TTC17: variants seen among roughly 807,000 people sequenced by gnomAD.
The protein encoded by TTC17 is tetratricopeptide repeat protein 17.
TTC17 carries 58 observed loss-of-function variants against 143.8 expected under a neutral mutation model. The ratio of observed to expected loss-of-function variants is 0.40; its 90% CI spans 0.33 to 0.50. The LOEUF (loss-of-function observed/expected upper bound fraction) is 0.50, where lower values mean the gene tolerates loss of function less well. TTC17 is among the 20% of genes least tolerant of loss of function. The pLI is 0.49. For synonymous variants in TTC17, 501 were observed against 497.8 expected, an observed-to-expected ratio of 1.01 and a Z score of -0.09; for missense variants, 1,273 against 1,392.5, an observed-to-expected ratio of 0.91 and a Z score of 1.37.
intron 22 of TTC17, 26 bp downstream of exon 22, chr11:43,490,384 C>T: frequency 1.3e-6 from 2 of 1,583,066 alleles, no homozygotes; most frequent in Non-Finnish European, 1.7e-6. Flanking sequence ...AAGGTGGGAA[C>T]TTCTGCCCCT....
intron 21 of TTC17, among the ~76,000 whole-genome samples, chr11:43,465,108 G>C (rs1947945174): frequency 6.6e-6 from 1 of 152,212 alleles, no homozygotes; most frequent in South Asian, 2.1e-4. Context: ...AAGGGTAAGT[G>C]AACTTTGGTT....
At chr11:43,379,743 A>G (rs997807954) in intron 2 of TTC17, among the ~76,000 whole-genome samples, 12 of 152,194 alleles carry the variant, frequency 7.9e-5, no homozygotes, top group African/African-American at 2.9e-4. Flanking sequence ...GTAAAAACTA[A>G]TGTCTTCCTA....
At chr11:43,425,343 A>G (rs993167859) in intron 16 of TTC17, among the ~76,000 whole-genome samples, 6 of 152,126 alleles carry the variant, frequency 3.9e-5, no homozygotes, top group Non-Finnish European at 4.4e-5. Flanking sequence ...TTTTTTTTTA[A>G]TTATTCTAAT....
At chr11:43,487,556 C>T (rs1388632799) in intron 21 of TTC17, among the ~76,000 whole-genome samples, 1 of 152,222 alleles carries the variant, frequency 6.6e-6, no homozygotes, top group Non-Finnish European at 1.5e-5. Context: ...CAGCATTCCA[C>T]AGCAAGAGGC....
At chr11:43,473,394 CAGAA>C (rs1715626642) in intron 21 of TTC17, among the ~76,000 whole-genome samples, 1 of 152,070 alleles carries the variant, frequency 6.6e-6, no homozygotes, top group East Asian at 1.9e-4. Flanking sequence ...TAGTTTAAAA[CAGAA>C]AGGGGAGAGG....
intron 21 of TTC17, among the ~76,000 whole-genome samples, chr11:43,483,582 G>A (rs369927673): frequency 7.9e-5 from 12 of 152,072 alleles, no homozygotes; most frequent in African/African-American, 2.7e-4. Flanking sequence ...CTAGGAAAAC[G>A]CAAAATTTGA....
chr11:43,452,494 C>T (rs1947681266), intron 21 of TTC17, among the ~76,000 whole-genome samples: 1 of 151,904 alleles, frequency 6.6e-6, no homozygotes, highest in Non-Finnish European at 1.5e-5. Flanking sequence ...GAGTGAGACT[C>T]TGTCTCAATA....
chr11:43,424,662 G>A (rs1041218239), intron 16 of TTC17, among the ~76,000 whole-genome samples: 10 of 151,954 alleles, frequency 6.6e-5, no homozygotes, highest in African/African-American at 2.4e-4. Flanking sequence ...CCCAGCTACT[G>A]GGAAGGCTGA....
intron 1 of TTC17, among the ~76,000 whole-genome samples, chr11:43,378,195 G>T (rs1034850021): frequency 6.6e-6 from 1 of 152,194 alleles, no homozygotes; most frequent in Non-Finnish European, 1.5e-5. Flanking sequence ...AAGCCACCGC[G>T]CCCAGCCTTG....
chr11:43,424,146 G>A (rs1367726320), intron 16 of TTC17, among the ~76,000 whole-genome samples: 1 of 150,344 alleles, frequency 6.7e-6, no homozygotes, highest in Non-Finnish European at 1.5e-5. Context: ...AGGCTAGAGT[G>A]CAGTGGCTCT....
chr11:43,480,115 C>T (rs141377005), intron 21 of TTC17, among the ~76,000 whole-genome samples: 3 of 152,308 alleles, frequency 2.0e-5, no homozygotes, highest in East Asian at 1.9e-4. Context: ...CAGCAGTTAT[C>T]GCAAAGCAGA....
intron 21 of TTC17, among the ~76,000 whole-genome samples, chr11:43,483,975 C>T (rs1948333575): frequency 6.6e-6 from 1 of 152,212 alleles, no homozygotes. Context: ...AACCTCCTCC[C>T]TACTAAAAAT....
At chr11:43,427,891 G>A (rs575673026) in intron 16 of TTC17, among the ~76,000 whole-genome samples, 3 of 152,090 alleles carry the variant, frequency 2.0e-5, no homozygotes, top group Non-Finnish European at 4.4e-5. Flanking sequence ...AGTAGCTGAT[G>A]ATATTTCAAG....
intron 21 of TTC17, among the ~76,000 whole-genome samples, chr11:43,458,325 GTC>G (rs1214970500): frequency 2.0e-5 from 3 of 152,218 alleles, no homozygotes; most frequent in African/African-American, 7.2e-5. Context: ...AGTCCATCTG[GTC>G]TCTCCAGCTC....
chr11:43,419,494 G>T (rs1038621578), intron 16 of TTC17, among the ~76,000 whole-genome samples: 3 of 152,104 alleles, frequency 2.0e-5, no homozygotes, highest in African/African-American at 7.2e-5. Context: ...GCAGCTTAAA[G>T]CAATTTTACA....
chr11:43,444,172 G>A lies in TTC17; in HGVS notation c.2628G>A (p.Glu876=). Residue 876 remains glutamate (E), a synonymous_variant, in exon 18 of 24, where the codon GAG becomes GAA. Transcript: ENST00000039989. The stretch of plus-strand genomic sequence containing the variant: ...GACATCGTTACCAAGCAAACCTAGA[G>A]ATCACTGGCCCCAAGGTGGCATCTC... The part of the protein sequence containing the change: ...ENGHRYQANL[E]ITGPKVASPG... 6.2e-7 allele frequency: 1 copy of A among 1,612,652 alleles called. No individual in the cohort carries two copies. Among genetic ancestry groups the A allele is most frequent in the Non-Finnish European group, 8.5e-7 (1 of 1,179,404 alleles).
chr11:43,477,869 C>T (rs977278604), intron 21 of TTC17, among the ~76,000 whole-genome samples: 9 of 151,980 alleles, frequency 5.9e-5, no homozygotes, highest in Non-Finnish European at 1.0e-4. Flanking sequence ...AGGAATATTA[C>T]GATTAATAAA....
At chr11:43,491,786 G>A in intron 22 of TTC17, 1 of 543,422 alleles carries the variant, frequency 1.8e-6, no homozygotes, top group Non-Finnish European at 3.3e-6. Flanking sequence ...CTGACATTTT[G>A]TTGTGTTTGT....
intron 16 of TTC17, among the ~76,000 whole-genome samples, chr11:43,438,639 G>A (rs1442548607): frequency 6.6e-6 from 1 of 152,148 alleles, no homozygotes. Flanking sequence ...CTTTCTGGAG[G>A]AAGATGTTGT....
Sources: allele counts gnomAD v4.1 joint callset (sites outside exome capture counted in the v4.1 genomes callset), GRCh38; gene constraint gnomAD v4.1.1; transcripts MANE v1.5; gene names NCBI Gene and HGNC (gene_info 2026-07-23, HGNC 2026-07-21).